CUX2: variants seen among roughly 807,000 people sequenced by gnomAD.
CUX2 encodes homeobox protein cut-like 2.
In CUX2, 40 loss-of-function variants were observed where a neutral mutation model predicts 144.8. The ratio of observed to expected loss-of-function variants is 0.28; its 90% CI spans 0.21 to 0.36. The LOEUF (loss-of-function observed/expected upper bound fraction) is 0.36, where lower values mean the gene tolerates loss of function less well. Among genes scored for constraint, CUX2 ranks in the 10% least tolerant of loss-of-function variants. CUX2 has a pLI of 1.00. For missense variants in CUX2, 1,615 were observed against 1,994.0 expected (o/e 0.81, Z 3.62); for synonymous variants, 827 against 875.6 (o/e 0.94, Z 0.98).
intron 1 of CUX2, among the ~76,000 whole-genome samples, chr12:111,193,699 G>T: frequency 6.6e-6 from 1 of 152,192 alleles, no homozygotes; most frequent in Non-Finnish European, 1.5e-5. Flanking sequence ...TGCGGGGGCT[G>T]CCGGCTGGGC....
chr12:111,329,951 T>C (rs746247402), intron 18 of CUX2, among the ~76,000 whole-genome samples: 4 of 152,128 alleles, frequency 2.6e-5, no homozygotes, highest in Non-Finnish European at 5.9e-5. Context: ...GACCGTCAGT[T>C]TTCCAGCTGG....
rs57009074 is a variant in CUX2, at chr12:111,336,424, T to TTGTGTGTGTGTG, written c.3196+1738_3196+1749dup. The stretch of plus-strand genomic sequence containing the variant: ...CATTGGCCTCTCAGACACTTCAGTG[T>TTGTGTGTGTGTG]TGTGTGTGTGTGTGTGTGTGTGTGT... On this transcript the variant is annotated intron_variant, in intron 19 of 21. Transcript: ENST00000261726. Among the ~76,000 whole-genome samples, 319 of 146,126 alleles carry TTGTGTGTGTGTG rather than the reference T, an allele frequency of 2.2e-3. 1 individual carries two copies. Among genetic ancestry groups the TTGTGTGTGTGTG allele is most frequent in the South Asian group, 0.011 (50 of 4,542 alleles).
intron 1 of CUX2, among the ~76,000 whole-genome samples, chr12:111,136,279 C>T (rs1161648029): frequency 1.3e-5 from 2 of 151,894 alleles, no homozygotes; most frequent in East Asian, 1.9e-4. Flanking sequence ...AAGACTTGCA[C>T]GTGGGAAGTG....
At chr12:111,175,337 A>G (rs373141782) in intron 1 of CUX2, among the ~76,000 whole-genome samples, 1 of 99,898 alleles carries the variant, frequency 1.0e-5, no homozygotes, top group African/African-American at 4.2e-5. Flanking sequence ...CTCCCCACCC[A>G]CACCTTTTTT....
chr12:111,046,268 G>T (rs1475264565), intron 1 of CUX2, among the ~76,000 whole-genome samples: 2 of 152,260 alleles, frequency 1.3e-5, no homozygotes, highest in Non-Finnish European at 2.9e-5. Context: ...TGGTTCAGAA[G>T]ACAGCTTGCG....
At chr12:111,107,433 CACTT>C (rs1009601351) in intron 1 of CUX2, among the ~76,000 whole-genome samples, 5 of 152,276 alleles carry the variant, frequency 3.3e-5, no homozygotes, top group African/African-American at 1.2e-4. Context: ...ATGTACATGT[CACTT>C]ACAATTCTTT....
At chr12:111,189,798 C>T (rs1766098401) in intron 1 of CUX2, among the ~76,000 whole-genome samples, 1 of 152,136 alleles carries the variant, frequency 6.6e-6, no homozygotes, top group Admixed American at 6.5e-5. Flanking sequence ...GGCCTGTGAC[C>T]ATACTTTGAA....
At chr12:111,321,479 A>C (rs966570201) in intron 17 of CUX2, among the ~76,000 whole-genome samples, 2 of 151,980 alleles carry the variant, frequency 1.3e-5, no homozygotes, top group African/African-American at 4.8e-5. Context: ...AAAAGAAAAA[A>C]AAAAAAGTGT....
In CUX2 at chr12:111,304,392, T is replaced by C; in HGVS notation, c.858+78T>C. On this transcript the variant is annotated intron_variant, in intron 10 of 21. Transcript: ENST00000261726. This position sits in a 1 kb window ranked among gnomAD's most constrained non-coding sequence, Gnocchi z 4.7. The stretch of plus-strand genomic sequence containing the variant: ...ATGGCTGAGTTTGCAGGTTTCAGCA[T>C]GTGGGTGACACTTTGTGGTTGATTG... 1.7e-6 allele frequency: 2 copies of C among 1,175,504 alleles called. No individual in the cohort carries two copies. The highest frequency in any genetic ancestry group is 1.3e-5 in the South Asian group (1 of 76,632). 72.8% of individuals were successfully genotyped at this position (1,175,504 alleles called of 1,614,324 possible).
rs752854027 is a variant in CUX2 at position 111,320,322 on chromosome 12, C to T, written c.2313C>T (p.Ile771=). The part of the protein sequence containing the change: ...VLSPAAFVQS[I]IRKVKSEIGD... ...CCCCCGCCGCCTTCGTGCAGAGCAT[C>T]ATCCGCAAGGTCAAGTCCGAGATCG... Residue 771 remains isoleucine, a synonymous_variant, in exon 17 of 22, where the codon ATC becomes ATT. Transcript: ENST00000261726. This position sits in a 1 kb window ranked among gnomAD's most constrained non-coding sequence, Gnocchi z 8.1. The T allele has an allele frequency of 6.3e-7, 1 of 1,598,142 alleles. No individual in the cohort carries two copies. Among genetic ancestry groups the T allele is most frequent in the South Asian group, 1.1e-5 (1 of 91,062 alleles).
At chr12:111,321,192 G>A (rs1565918523) in intron 17 of CUX2, among the ~76,000 whole-genome samples, 1 of 152,032 alleles carries the variant, frequency 6.6e-6, no homozygotes, top group South Asian at 2.1e-4. Context: ...AATTAAGCTG[G>A]GCACGGTGGC....
At chr12:111,330,716 T>TATATATATATATATATATACATATAC (rs1888068362) in intron 18 of CUX2, among the ~76,000 whole-genome samples, 1 of 36,948 alleles carries the variant, frequency 2.7e-5, no homozygotes, top group Non-Finnish European at 4.9e-5. Context: ...TATATATATA[T>TATATATATATATATATATACATATAC]ATATATATAT....
intron 2 of CUX2, among the ~76,000 whole-genome samples, chr12:111,217,582 G>C (rs768541760): frequency 6.6e-6 from 1 of 152,182 alleles, no homozygotes; most frequent in Non-Finnish European, 1.5e-5. Context: ...TCGCATAAAA[G>C]ACCATTCTAT....
chr12:111,115,446 C>T (rs946201968), intron 1 of CUX2, among the ~76,000 whole-genome samples: 19 of 151,738 alleles, frequency 1.3e-4, no homozygotes, highest in Admixed American at 3.3e-4. Flanking sequence ...CCACCATGCC[C>T]GGCTAATTTT....
intron 18 of CUX2, among the ~76,000 whole-genome samples, chr12:111,331,329 A>C (rs150092893): frequency 6.6e-6 from 1 of 152,226 alleles, no homozygotes; most frequent in African/African-American, 2.4e-5. Flanking sequence ...GCTGTCATAC[A>C]TTTTAATGGT....
chr12:111,324,937 TTATAAA>T (rs1433261400), intron 18 of CUX2, among the ~76,000 whole-genome samples: 3 of 152,138 alleles, frequency 2.0e-5, no homozygotes, highest in Non-Finnish European at 4.4e-5. Flanking sequence ...TTTTAATAGT[TTATAAA>T]TACAATGATT....
intron 1 of CUX2, among the ~76,000 whole-genome samples, chr12:111,197,529 G>T (rs1880312846): frequency 6.6e-6 from 1 of 152,254 alleles, no homozygotes; most frequent in South Asian, 2.1e-4. Context: ...CTACTGGCTT[G>T]TTGGCAAGCA....
chr12:111,035,894 T>G lies in CUX2; in HGVS notation c.63+1654T>G, dbSNP rs1308350041. Among the ~76,000 whole-genome samples, 1 of 152,134 alleles carries G rather than the reference T, an allele frequency of 6.6e-6. No homozygotes were observed. The highest frequency in any genetic ancestry group is 1.5e-5 in the Non-Finnish European group (1 of 68,032). The stretch of plus-strand genomic sequence containing the variant: ...AACTGAGACGGGCAGGGCTGCGAGC[T>G]GTGCCTGCCGGCTTAAATGATGCTA... On this transcript the variant is annotated intron_variant, in intron 1 of 21. Coordinates refer to ENST00000261726, the MANE Select transcript of CUX2 (RefSeq NM_015267.4). This position sits in a 1 kb window ranked among gnomAD's most constrained non-coding sequence, Gnocchi z 6.0.
Position 111,341,766 on chromosome 12 carries a change from C to T in CUX2, c.3386-14C>T. The stretch of plus-strand genomic sequence containing the variant: ...GACACCACCTCTCAGCCCTCCCTCT[C>T]TTCCTGGCCCCAGCCTACCTGAAAC... On this transcript the variant is annotated splice_polypyrimidine_tract_variant and intron_variant, in intron 20 of 21. Transcript: ENST00000261726. 1 of 1,569,478 alleles carries T rather than the reference C, an allele frequency of 6.4e-7. No individual in the cohort carries two copies. The highest frequency in any genetic ancestry group is 8.6e-7 in the Non-Finnish European group (1 of 1,161,162).
Sources: gnomAD v4.1 joint callset for allele counts (sites outside exome capture counted in the v4.1 genomes callset) on GRCh38, gnomAD v4.1.1 for gene constraint, Gnocchi (gnomAD v3.1) non-coding constraint, MANE v1.5 for transcripts, NCBI Gene and HGNC (gene_info 2026-07-23, HGNC 2026-07-21) for gene names.